The following RORA variants were observed in gnomAD, a reference collection of about 807,000 sequenced individuals.
The protein encoded by RORA is nuclear receptor ROR-alpha.
RORA carries 7 observed loss-of-function variants against 69.5 expected under a neutral mutation model. The ratio of observed to expected loss-of-function variants is 0.10; its 90% CI spans 0.06 to 0.19. RORA has a LOEUF of 0.19. Ranked by LOEUF, RORA falls within the 10% of genes least tolerant of loss-of-function variation. The probability of loss-of-function intolerance (pLI) is 1.00; values close to 1 mark genes in which losing one functional copy is unlikely to be tolerated. For missense variants in RORA, 457 were observed against 663.0 expected, an observed-to-expected ratio of 0.69 and a Z score of 3.41; for synonymous variants, 261 against 240.8, an observed-to-expected ratio of 1.08 and a Z score of -0.78.
At chr15:61,169,380 C>T (rs1334123696) in intron 1 of RORA, among the ~76,000 whole-genome samples, 6 of 152,084 alleles carry the variant, frequency 3.9e-5, no homozygotes, top group African/African-American at 1.4e-4. Flanking sequence ...TGATACCTCT[C>T]TGCCTGGTAT....
chr15:60,670,244 A>G (rs1269102233), intron 2 of RORA, among the ~76,000 whole-genome samples: 1 of 145,196 alleles, frequency 6.9e-6, no homozygotes, highest in Non-Finnish European at 1.5e-5. Flanking sequence ...GAGTCCCACT[A>G]CATTGCCCAG....
chr15:60,801,209 A>G (rs1167129305), intron 1 of RORA, among the ~76,000 whole-genome samples: 1 of 152,224 alleles, frequency 6.6e-6, no homozygotes, highest in African/African-American at 2.4e-5. Flanking sequence ...CACCTGGTGA[A>G]CTTGGGTGGA....
At chr15:60,808,146 G>C (rs2072684514) in intron 1 of RORA, among the ~76,000 whole-genome samples, 1 of 151,896 alleles carries the variant, frequency 6.6e-6, no homozygotes, top group Non-Finnish European at 1.5e-5. Context: ...ACAATCTACA[G>C]AGTGAGAGAA....
chr15:60,697,943 C>T (rs552681436), intron 1 of RORA, among the ~76,000 whole-genome samples: 14 of 152,154 alleles, frequency 9.2e-5, no homozygotes, highest in Middle Eastern at 3.4e-3. Context: ...TAATGAGAAA[C>T]GAGGCTCCTG....
At chr15:61,211,713 C>T (rs920983822) in intron 1 of RORA, among the ~76,000 whole-genome samples, 2 of 152,172 alleles carry the variant, frequency 1.3e-5, no homozygotes, top group Non-Finnish European at 2.9e-5. Flanking sequence ...GGGCAGAGCC[C>T]CCTCCCGCCA....
intron 2 of RORA, chr15:60,592,545 A>G: frequency 1.6e-6 from 2 of 1,273,796 alleles, no homozygotes; most frequent in Non-Finnish European, 2.0e-6. Context: ...GCCGAGAGCC[A>G]TCCCGAGCCA....
At chr15:60,846,771 A>G (rs2140409448) in intron 1 of RORA, among the ~76,000 whole-genome samples, 1 of 152,344 alleles carries the variant, frequency 6.6e-6, no homozygotes, top group Non-Finnish European at 1.5e-5. Context: ...TGTTGCACAG[A>G]TTGCTGGTTC....
chr15:60,943,344 C>A (rs965094659), intron 1 of RORA, among the ~76,000 whole-genome samples: 1 of 151,336 alleles, frequency 6.6e-6, no homozygotes, highest in South Asian at 2.1e-4. Flanking sequence ...AGCTTAGGAA[C>A]GTCAATTCTG....
chr15:60,711,704 G>A (rs2071146374), intron 1 of RORA, among the ~76,000 whole-genome samples: 1 of 152,046 alleles, frequency 6.6e-6, no homozygotes, highest in African/African-American at 2.4e-5. Context: ...GTCTCTTTTG[G>A]TCCTACCTTC....
At chr15:60,714,524 G>A (rs8028493) in intron 1 of RORA, among the ~76,000 whole-genome samples, 28 of 150,060 alleles carry the variant, frequency 1.9e-4, no homozygotes, top group African/African-American at 6.6e-4. Context: ...GCCAACACAC[G>A]TAGCTAATTT....
At chr15:60,834,410 T>C (rs1224468451) in intron 1 of RORA, among the ~76,000 whole-genome samples, 1 of 152,212 alleles carries the variant, frequency 6.6e-6, no homozygotes, top group Non-Finnish European at 1.5e-5. Context: ...GTGTGCTCCA[T>C]ACCTTGACAT....
At chr15:60,658,596 G>A (rs904723489) in intron 2 of RORA, among the ~76,000 whole-genome samples, 9 of 148,812 alleles carry the variant, frequency 6.0e-5, no homozygotes, top group Admixed American at 5.3e-4. Flanking sequence ...GCACAACCAC[G>A]TGTTTAGAAA....
At chr15:60,623,731 G>C (rs1170763625) in intron 2 of RORA, among the ~76,000 whole-genome samples, 1 of 152,134 alleles carries the variant, frequency 6.6e-6, no homozygotes, top group East Asian at 1.9e-4. Flanking sequence ...TGATTAGTTG[G>C]GGTGGCAGGA....
intron 1 of RORA, among the ~76,000 whole-genome samples, chr15:61,190,317 T>C (rs1340319950): frequency 6.6e-6 from 1 of 152,192 alleles, no homozygotes; most frequent in African/African-American, 2.4e-5. Flanking sequence ...ATAAGTTCTA[T>C]AAAATTGATT....
intron 1 of RORA, among the ~76,000 whole-genome samples, chr15:60,803,011 C>T (rs998272524): frequency 2.6e-5 from 4 of 151,998 alleles, no homozygotes; most frequent in Non-Finnish European, 4.4e-5. Flanking sequence ...TGGACAACTC[C>T]AACAAAAGAA....
chr15:61,070,516 C>T (rs550810080), intron 1 of RORA, among the ~76,000 whole-genome samples: 9 of 152,244 alleles, frequency 5.9e-5, no homozygotes, highest in Non-Finnish European at 1.0e-4. Flanking sequence ...AAGTTGTAGG[C>T]ATCTGATCCT....
At chr15:60,635,968 T>C (rs1197274144) in intron 2 of RORA, among the ~76,000 whole-genome samples, 1 of 152,192 alleles carries the variant, frequency 6.6e-6, no homozygotes, top group African/African-American at 2.4e-5. Flanking sequence ...TGGCTCTCTC[T>C]GTGGTTGTGG....
chr15:60,925,510 T>C (rs1262460986), intron 1 of RORA, among the ~76,000 whole-genome samples: 1 of 152,130 alleles, frequency 6.6e-6, no homozygotes, highest in Non-Finnish European at 1.5e-5. Context: ...GTAGGCCCAG[T>C]TGTAAAGACT....
chr15:60,890,557 C>A (rs1405045938), intron 1 of RORA, among the ~76,000 whole-genome samples: 1 of 152,306 alleles, frequency 6.6e-6, no homozygotes, highest in East Asian at 1.9e-4. Flanking sequence ...CAGCCACCAT[C>A]GCCCTGCTCG....
Sources: gnomAD v4.1 joint callset for allele counts (sites outside exome capture counted in the v4.1 genomes callset) on GRCh38, gnomAD v4.1.1 for gene constraint, MANE v1.5 for transcripts, NCBI Gene and HGNC (gene_info 2026-07-23, HGNC 2026-07-21) for gene names.